The following CDKL1 variants were observed in gnomAD, a reference collection of about 807,000 sequenced individuals.
CDKL1 encodes cyclin dependent kinase like 1.
A neutral mutation model predicts 42.0 loss-of-function variants in CDKL1; 41 were observed. That is an observed-to-expected ratio of 0.98 (90% CI 0.76 to 1.27). CDKL1 has a LOEUF of 1.27. Ranked by LOEUF, CDKL1 falls within the 50% of genes most tolerant of loss-of-function variation. CDKL1 has a pLI of 0.00. For missense variants in CDKL1, 394 were observed against 428.4 expected, an observed-to-expected ratio of 0.92 and a Z score of 0.71; for synonymous variants, 153 against 158.6, an observed-to-expected ratio of 0.96 and a Z score of 0.26.
intron 6 of CDKL1, among the ~76,000 whole-genome samples, chr14:50,339,396 A>G (rs543287554): frequency 2.6e-5 from 4 of 152,264 alleles, no homozygotes; most frequent in African/African-American, 9.6e-5. Flanking sequence ...ACAACCACAA[A>G]TCAAAATCAT....
At chr14:50,335,843 C>G in intron 7 of CDKL1, 1 of 1,285,532 alleles carries the variant, frequency 7.8e-7, no homozygotes, top group Non-Finnish European at 1.0e-6. Flanking sequence ...ATAACCAATT[C>G]TGGATTGTAC....
intron 2 of CDKL1, among the ~76,000 whole-genome samples, chr14:50,360,086 C>A (rs77283173): frequency 6.6e-6 from 1 of 152,298 alleles, no homozygotes; most frequent in South Asian, 2.1e-4. Flanking sequence ...CTTGGCAGAT[C>A]GCTCCTCTTT....
chr14:50,340,806 T>G (rs1294130883), intron 6 of CDKL1, among the ~76,000 whole-genome samples: 1 of 152,254 alleles, frequency 6.6e-6, no homozygotes, highest in Non-Finnish European at 1.5e-5. Flanking sequence ...CTCAAGAATC[T>G]TGGGTTGTTT....
chr14:50,353,587 T>C (rs1194064988), intron 3 of CDKL1, among the ~76,000 whole-genome samples: 1 of 152,184 alleles, frequency 6.6e-6, no homozygotes, highest in African/African-American at 2.4e-5. Flanking sequence ...TGGTTAGTAA[T>C]AGAAAATAAC....
chr14:50,374,699 CT>C (rs1435056537), intron 2 of CDKL1, among the ~76,000 whole-genome samples: 1 of 152,186 alleles, frequency 6.6e-6, no homozygotes, highest in African/African-American at 2.4e-5. Flanking sequence ...ATAGAAATAA[CT>C]CTAGATACAT....
intron 3 of CDKL1, among the ~76,000 whole-genome samples, chr14:50,358,664 G>T (rs1595313875): frequency 5.9e-5 from 1 of 16,940 alleles, no homozygotes. Context: ...TTTTGAGACA[G>T]AGTCTCACCC....
intron 2 of CDKL1, among the ~76,000 whole-genome samples, chr14:50,367,311 C>T (rs1200010305): frequency 6.6e-6 from 1 of 152,184 alleles, no homozygotes; most frequent in Non-Finnish European, 1.5e-5. Flanking sequence ...GGTATCGGTG[C>T]AGTGGTGAGA....
intron 2 of CDKL1, among the ~76,000 whole-genome samples, chr14:50,386,492 C>G (rs899969583): frequency 6.6e-6 from 1 of 152,132 alleles, no homozygotes; most frequent in African/African-American, 2.4e-5. Flanking sequence ...AGTTGATGAA[C>G]TAATCTAGCG....
At chr14:50,348,081 G>A (rs1322532000) in intron 3 of CDKL1, among the ~76,000 whole-genome samples, 1 of 152,230 alleles carries the variant, frequency 6.6e-6, no homozygotes, top group Non-Finnish European at 1.5e-5. Context: ...GAGAGGACAG[G>A]AGAAGAGATA....
At chr14:50,358,938 C>T (rs897784188) in intron 3 of CDKL1, 90 bp downstream of exon 3, 9 of 1,337,110 alleles carry the variant, frequency 6.7e-6, no homozygotes, top group East Asian at 4.7e-5. Context: ...CTGCACCCGG[C>T]CTTACCTAGT....
rs1282665576 is a variant in CDKL1, at chr14:50,334,614, A to G, written c.746T>C (p.Leu249Pro). ...AGAGATGTTTGGGAATTTTAATTCA[A>G]GTGGTTCCTGTTGAAAAGAAAAGAG... ...KIPDPEDMEP[L>P]ELKFPNISYP... Residue 249 changes from leucine to proline, a missense_variant, in exon 8 of 10, where the codon CTT becomes CCT. Physicochemically the swap from Leu to Pro is moderately conservative, Grantham distance 98. Coordinates refer to ENST00000395834, the MANE Select transcript of CDKL1 (RefSeq NM_004196.7). 2 of 1,592,772 alleles carry G rather than the reference A, an allele frequency of 1.3e-6. No individual in the cohort carries two copies. Among genetic ancestry groups the G allele is most frequent in the South Asian group, 1.1e-5 (1 of 90,702 alleles).
rs553820194 is a variant in CDKL1, at chr14:50,367,005, G to A, written c.169-7856C>T. 9.2e-5 allele frequency among the ~76,000 whole-genome samples: 14 copies of A among 152,336 alleles called. No homozygotes were observed. The South Asian group carries it at 1.5e-3, about 16-fold the overall frequency. ...CCAGGGAGTCCGCATGTGTGTAAGC[G>A]AAGCCATAGACAGAGAGAGGAGATT... is the stretch of plus-strand genomic sequence containing the variant. On this transcript the variant is annotated intron_variant, in intron 2 of 9. Coordinates refer to ENST00000395834, the MANE Select transcript of CDKL1 (RefSeq NM_004196.7).
intron 2 of CDKL1, among the ~76,000 whole-genome samples, chr14:50,382,588 TTCTC>T (rs550887778): frequency 8.6e-4 from 121 of 140,538 alleles, no homozygotes; most frequent in African/African-American, 2.7e-3. Flanking sequence ...CTCCCTCTCT[TTCTC>T]TCTCTCTTTT....
At chr14:50,388,959 G>A (rs1055014204) in intron 2 of CDKL1, among the ~76,000 whole-genome samples, 1 of 151,996 alleles carries the variant, frequency 6.6e-6, no homozygotes, top group African/African-American at 2.4e-5. Flanking sequence ...TTAGCTGGGT[G>A]TGGTGGCACG....
chr14:50,360,721 C>G (rs1369738759), intron 2 of CDKL1, among the ~76,000 whole-genome samples: 6 of 152,058 alleles, frequency 3.9e-5, no homozygotes, highest in Non-Finnish European at 7.4e-5. Flanking sequence ...CCACCGCGCC[C>G]AGCCTCCACT....
In CDKL1 at chr14:50,390,083, T is replaced by C. The variant is rs551821670; in HGVS notation, c.168+5618A>G. 1.0e-5 allele frequency: 11 copies of C among 1,070,788 alleles called. No homozygotes were observed. In the South Asian group the frequency reaches 1.1e-4, roughly 11 times the overall value. The allele number at this position is 1,070,788 out of a possible 1,614,324, so 66.3% of individuals were successfully genotyped here. ...GTAATTTGTGCATCCTAAGTAACAA[T>C]GATACTTGGCAGTTTGTCCAAATTT... On this transcript the variant is annotated intron_variant, in intron 2 of 9. Transcript: ENST00000395834.
chr14:50,340,250 G>A (rs2033463185), intron 6 of CDKL1, among the ~76,000 whole-genome samples: 1 of 152,212 alleles, frequency 6.6e-6, no homozygotes, highest in South Asian at 2.1e-4. Flanking sequence ...GCAGACACTG[G>A]TGGAGGGTAA....
intron 2 of CDKL1, among the ~76,000 whole-genome samples, chr14:50,387,181 T>G (rs1474977053): frequency 1.8e-5 from 2 of 112,532 alleles, no homozygotes; most frequent in African/African-American, 3.6e-5. Flanking sequence ...CACTCCAGCC[T>G]GGGCAACAGA....
intron 2 of CDKL1, among the ~76,000 whole-genome samples, chr14:50,372,323 G>A (rs891985370): frequency 2.0e-5 from 3 of 151,852 alleles, no homozygotes; most frequent in African/African-American, 7.3e-5. Flanking sequence ...TTGCCATGTT[G>A]GCCAGACTGG....
Sources: allele counts gnomAD v4.1 joint callset (sites outside exome capture counted in the v4.1 genomes callset), GRCh38; gene constraint gnomAD v4.1.1; transcripts MANE v1.5; gene names NCBI Gene and HGNC (gene_info 2026-07-23, HGNC 2026-07-21).